The following MCIDAS variants were observed in gnomAD, a reference collection of about 807,000 sequenced individuals.
The protein encoded by MCIDAS is multicilin.
Under a neutral mutation model 35.4 loss-of-function variants are expected in MCIDAS, and 23 were observed. The observed-to-expected ratio is 0.65, with a 90% confidence interval of 0.47 to 0.92. The LOEUF (loss-of-function observed/expected upper bound fraction) is 0.92. Among genes scored for constraint, MCIDAS ranks in the 40% least tolerant of loss-of-function variants. MCIDAS has a pLI of 0.00. For synonymous variants in MCIDAS, 228 were observed against 235.2 expected, an observed-to-expected ratio of 0.97 and a Z score of 0.28; for missense variants, 480 against 531.8, an observed-to-expected ratio of 0.90 and a Z score of 0.96.
In MCIDAS at chr5:55,227,169, C is replaced by A; in HGVS notation, c.-31G>T. 2.1e-6 allele frequency: 3 copies of A among 1,408,884 alleles called. No homozygotes were observed. The highest frequency in any genetic ancestry group is 1.5e-5 in the South Asian group (1 of 64,574). The allele number at this position is 1,408,884 out of a possible 1,614,324, so 87.3% of individuals were successfully genotyped here. ...CTCCTGCCTCCGGGTGCCGACTGCTCGGAGGCGGCGGCCCGGGCTGGGGCA... is the reference window on the plus strand; with the variant it reads ...CTCCTGCCTCCGGGTGCCGACTGCTAGGAGGCGGCGGCCCGGGCTGGGGCA... On this transcript the variant is annotated 5_prime_UTR_variant, in exon 1 of 7. Transcript: ENST00000513312.
At chr5:55,226,975 C>T (rs765278157) in intron 1 of MCIDAS, 44 bp from the exon 2 acceptor site, 1 of 1,504,014 alleles carries the variant, frequency 6.6e-7, no homozygotes, top group South Asian at 1.2e-5. Context: ...GCCCTCGGGG[C>T]ACCGAGCGCG....
chr5:55,222,519 C>A, intron 4 of MCIDAS, 120 bp from the exon 5 acceptor site: 1 of 816,428 alleles, frequency 1.2e-6, no homozygotes, highest in African/African-American at 1.7e-5. Flanking sequence ...AATTAAGCAC[C>A]CTTACTCCTA....
chr5:55,219,986 A>G lies in MCIDAS; in HGVS notation c.*380T>C, dbSNP rs2111687874. The G allele has an allele frequency of 5.9e-6, 1 of 168,970 alleles. No individual in the cohort carries two copies. The highest frequency in any genetic ancestry group is 2.4e-5 in the African/African-American group (1 of 41,870). The allele number at this position is 168,970 out of a possible 1,614,324, so 10.5% of individuals were successfully genotyped here. A position where few individuals can be genotyped will look rare whatever the true frequency, so the allele number is the denominator to read the frequency against. ...TGATTGAAAGGTTCCAGTGTTTCCC[A>G]TTGCAGGAAATTACTTAATCTCTTA... is the stretch of plus-strand genomic sequence containing the variant. On this transcript the variant is annotated 3_prime_UTR_variant, in exon 7 of 7. Coordinates refer to ENST00000513312, the MANE Select transcript of MCIDAS (RefSeq NM_001190787.3).
chr5:55,225,497 T>C (rs1745440585), intron 3 of MCIDAS, among the ~76,000 whole-genome samples: 1 of 152,200 alleles, frequency 6.6e-6, no homozygotes, highest in Non-Finnish European at 1.5e-5. Context: ...AAAAGAACAA[T>C]TAAATGTCCT....
rs763746416 is a variant in MCIDAS at position 55,220,514 on chromosome 5, A to T, written c.1010T>A (p.Leu337Gln). ...RTDCSRSALNLSHSELEEGGS... is the reference protein window; with the variant it reads ...RTDCSRSALNQSHSELEEGGS... ...GCCCTCCTCCAGCTCACTGTGGCTC[A>T]GGTTCAACGCGCTCCGGCTGCAGTC... Residue 337 changes from leucine (L) to glutamine (Q), a missense_variant, in exon 7 of 7, where the codon CTG becomes CAG. Physicochemically the swap from Leu to Gln is moderately radical, Grantham distance 113. Transcript: ENST00000513312. 3.3e-6 allele frequency: 5 copies of T among 1,536,106 alleles called. No individual in the cohort carries two copies. Among genetic ancestry groups the T allele is most frequent in the Non-Finnish European group, 4.4e-6 (5 of 1,146,890 alleles).
At position 55,226,885 on chromosome 5, in the gene MCIDAS, G is replaced by C. The variant is rs1745466454; in HGVS notation, c.167C>G (p.Pro56Arg). The C allele has an allele frequency of 7.1e-7, 1 of 1,409,982 alleles. No homozygotes were observed. The highest frequency in any genetic ancestry group is 3.0e-5 in the Admixed American group (1 of 33,216). 87.3% of individuals were successfully genotyped at this position (1,409,982 alleles called of 1,614,324 possible). A position where few individuals can be genotyped will look rare whatever the true frequency, so the allele number is the denominator to read the frequency against. Reference protein sequence around the residue: ...KFFPGCTGGSPVSVYEDPPDA... With the variant: ...KFFPGCTGGSRVSVYEDPPDA... ...CGGGGGATCCTCGTACACCGACACC[G>C]GGCTCCCGCCTGTGCATCCGGGGAA... The change falls in exon 2 of 7, where the codon CCG becomes CGG. Residue 56 changes from proline (P) to arginine (R), a missense_variant. Pro to Arg is a moderately radical substitution (Grantham distance 103). Transcript: ENST00000513312.
Position 55,222,152 on chromosome 5 carries a change from TGGTCGCCA to T in MCIDAS, c.606+16_606+23del, listed in dbSNP as rs1402282830. 4 of 1,533,098 alleles carry T rather than the reference TGGTCGCCA, an allele frequency of 2.6e-6. No homozygotes were observed. The highest frequency in any genetic ancestry group is 3.5e-6 in the Non-Finnish European group (4 of 1,146,032). The allele number at this position is 1,533,098 out of a possible 1,614,324, so 95.0% of individuals were successfully genotyped here. On this transcript the variant is annotated intron_variant, in intron 5 of 6. Coordinates refer to ENST00000513312, the MANE Select transcript of MCIDAS (RefSeq NM_001190787.3). ...TATCCTGTCCCTGCCCCAGGATTCC[TGGTCGCCA>T]GACCAGTGTCCCTACTTGATTATTC...
Position 55,220,300 on chromosome 5 carries a change from T to C in MCIDAS, c.*66A>G. 1 of 1,443,082 alleles carries C rather than the reference T, an allele frequency of 6.9e-7. No individual in the cohort carries two copies. The highest frequency in any genetic ancestry group is 1.4e-5 in the South Asian group (1 of 71,384). 89.4% of individuals were successfully genotyped at this position (1,443,082 alleles called of 1,614,324 possible). A position where few individuals can be genotyped will look rare whatever the true frequency, so the allele number is the denominator to read the frequency against. ...GGTGGCATTCAACCTGAAGGCAAAG[T>C]TCTGGGAAGCCCCCAGGCACTTCAG... On this transcript the variant is annotated 3_prime_UTR_variant, in exon 7 of 7. Transcript: ENST00000513312.
Position 55,223,069 on chromosome 5 carries a change from G to A in MCIDAS, c.310-46C>T. ...ACACTGGTTAACGAGTCTGGCGTTA[G>A]AAAGCCTTCAATAAATATTGGCGTC... On this transcript the variant is annotated intron_variant, in intron 3 of 6. Transcript: ENST00000513312. This position sits in a 1 kb window ranked among gnomAD's most constrained non-coding sequence, Gnocchi z 4.4. 6.8e-7 allele frequency: 1 copy of A among 1,463,230 alleles called. No homozygotes were observed. Among genetic ancestry groups the A allele is most frequent in the South Asian group, 1.2e-5 (1 of 82,368 alleles). 90.6% of individuals were successfully genotyped at this position (1,463,230 alleles called of 1,614,324 possible).
chr5:55,226,275 A>C (rs1357370787), intron 3 of MCIDAS, among the ~76,000 whole-genome samples: 2 of 152,136 alleles, frequency 1.3e-5, no homozygotes, highest in East Asian at 3.9e-4. Flanking sequence ...CTCAGTGCGC[A>C]ATCTTGTCAC....
At chr5:55,224,924 G>T (rs1249845941) in intron 3 of MCIDAS, among the ~76,000 whole-genome samples, 1 of 152,176 alleles carries the variant, frequency 6.6e-6, no homozygotes, top group African/African-American at 2.4e-5. Context: ...TCGAGGCTGG[G>T]CATAGTGGCT....
chr5:55,222,830 C>T, intron 4 of MCIDAS, 121 bp downstream of exon 4: 1 of 824,756 alleles, frequency 1.2e-6, no homozygotes, highest in Non-Finnish European at 1.9e-6. Context: ...TGATGAGTTG[C>T]TGGAGAGTCG....
intron 6 of MCIDAS, 69 bp from the exon 7 acceptor site, chr5:55,220,875 G>A: frequency 1.4e-6 from 2 of 1,477,464 alleles, no homozygotes; most frequent in Non-Finnish European, 1.8e-6. Context: ...CGTGCAAAAG[G>A]TGACCTAGGC....
chr5:55,226,523 G>A (rs1745456454), intron 3 of MCIDAS, 53 bp downstream of exon 3: 13 of 1,499,580 alleles, frequency 8.7e-6, no homozygotes, highest in Middle Eastern at 1.7e-4. Flanking sequence ...CACCACCCCG[G>A]AGGAGGGTTT....
Position 55,223,553 on chromosome 5 carries a change from T to G in MCIDAS, c.310-530A>C, listed in dbSNP as rs943390945. Among the ~76,000 whole-genome samples, 1 of 152,152 alleles carries G rather than the reference T, an allele frequency of 6.6e-6. No individual in the cohort carries two copies. Among genetic ancestry groups the G allele is most frequent in the East Asian group, 1.9e-4 (1 of 5,182 alleles). On this transcript the variant is annotated intron_variant, in intron 3 of 6. Coordinates refer to ENST00000513312, the MANE Select transcript of MCIDAS (RefSeq NM_001190787.3). This position sits in a 1 kb window ranked among gnomAD's most constrained non-coding sequence, Gnocchi z 4.4. ...CCCTGTGCGCCTGCGAAATTTTGAC[T>G]CCGACTCACCAGCGACCGGCCACCG...
chr5:55,220,874 G>C, intron 6 of MCIDAS, 68 bp from the exon 7 acceptor site: 1 of 1,478,336 alleles, frequency 6.8e-7, no homozygotes. Context: ...GCGTGCAAAA[G>C]GTGACCTAGG....
chr5:55,221,274 CT>C (rs34101652), intron 5 of MCIDAS, 148 bp from the exon 6 acceptor site: 21 of 470,216 alleles, frequency 4.5e-5, no homozygotes, highest in Admixed American at 7.9e-5. Flanking sequence ...AATCAATTTA[CT>C]TTTTTTTTAA....
chr5:55,223,418 G>A lies in MCIDAS; in HGVS notation c.310-395C>T, dbSNP rs1183066179. On this transcript the variant is annotated intron_variant, in intron 3 of 6. Transcript: ENST00000513312. The surrounding 1 kb of genome is among the most constrained non-coding windows in gnomAD (Gnocchi z 4.4). ...CTCCTGCAGAGCAGCTGCGTGGCGGGAATGGGTCCTTCCACCGGCGGTGCG... is the reference window on the plus strand; with the variant it reads ...CTCCTGCAGAGCAGCTGCGTGGCGGAAATGGGTCCTTCCACCGGCGGTGCG... Among the ~76,000 whole-genome samples, 1 of 152,174 alleles carries A rather than the reference G, an allele frequency of 6.6e-6. No individual in the cohort carries two copies. Among genetic ancestry groups the A allele is most frequent in the Non-Finnish European group, 1.5e-5 (1 of 68,022 alleles).
Position 55,226,918 on chromosome 5 carries a change from C to G in MCIDAS, c.134G>C (p.Arg45Pro). ...GKPERKFAPP[R>P]KFFPGCTGGS... ...GCCTGTGCATCCGGGGAAGAACTTC[C>G]GCGGAGGAGCGAACTGGCCGGGCAC... is the stretch of plus-strand genomic sequence containing the variant. The change falls in exon 2 of 7, where the codon CGG becomes CCG. Residue 45 changes from arginine (R) to proline (P), a missense_variant. Physicochemically the swap from Arg to Pro is moderately radical, Grantham distance 103 (BLOSUM62 -2). Transcript: ENST00000513312. The G allele has an allele frequency of 1.4e-6, 2 of 1,430,260 alleles. No homozygotes were observed. Among genetic ancestry groups the G allele is most frequent in the Non-Finnish European group, 1.8e-6 (2 of 1,098,970 alleles). The allele number at this position is 1,430,260 out of a possible 1,614,324, so 88.6% of individuals were successfully genotyped here.
Sources: allele counts gnomAD v4.1 joint callset (sites outside exome capture counted in the v4.1 genomes callset), GRCh38; gene constraint gnomAD v4.1.1; non-coding constraint Gnocchi (gnomAD v3.1); transcripts MANE v1.5; gene names NCBI Gene and HGNC (gene_info 2026-07-23, HGNC 2026-07-21).